Variants in NCAM1 observed in about 807,000 individuals in gnomAD.
The protein encoded by NCAM1 is neural cell adhesion molecule 1.
A neutral mutation model predicts 109.8 loss-of-function variants in NCAM1; 14 were observed. That is an observed-to-expected ratio of 0.13 (90% CI 0.08 to 0.20). The LOEUF (loss-of-function observed/expected upper bound fraction) is 0.20, where lower values mean the gene tolerates loss of function less well. Among genes scored for constraint, NCAM1 ranks in the 10% least tolerant of loss-of-function variants. NCAM1 has a pLI of 1.00. For synonymous variants in NCAM1, 418 were observed against 442.9 expected (o/e 0.94, Z 0.70); for missense variants, 774 against 1,109.9 (o/e 0.70, Z 4.30).
At chr11:112,983,166 C>T (rs564512272) in intron 1 of NCAM1, among the ~76,000 whole-genome samples, 276 of 152,098 alleles carry the variant, frequency 1.8e-3, no homozygotes, top group South Asian at 8.3e-3. Context: ...TTCTTATTCT[C>T]TTTTTAATTC....
chr11:113,012,076 T>G (rs1952080233), intron 1 of NCAM1, among the ~76,000 whole-genome samples: 2 of 151,572 alleles, frequency 1.3e-5, no homozygotes, highest in African/African-American at 4.9e-5. Context: ...TGGAGTGCAG[T>G]GGCGCGATCT....
intron 1 of NCAM1, among the ~76,000 whole-genome samples, chr11:113,047,593 T>C (rs1953315395): frequency 6.6e-6 from 1 of 152,176 alleles, no homozygotes; most frequent in Non-Finnish European, 1.5e-5. Context: ...CTTCTTGATC[T>C]TAATCCTCTG....
chr11:113,182,168 C>A (rs142633047), intron 1 of NCAM1, among the ~76,000 whole-genome samples: 1 of 152,278 alleles, frequency 6.6e-6, no homozygotes, highest in Non-Finnish European at 1.5e-5. Context: ...AAACATCAAG[C>A]TTTTTGACTG....
intron 1 of NCAM1, among the ~76,000 whole-genome samples, chr11:113,185,027 A>G (rs920591708): frequency 7.0e-6 from 1 of 142,906 alleles, no homozygotes; most frequent in African/African-American, 2.8e-5. Context: ...GTGTGTGTGT[A>G]TATATACATT....
At chr11:112,990,779 G>A (rs782804571) in intron 1 of NCAM1, among the ~76,000 whole-genome samples, 7 of 152,180 alleles carry the variant, frequency 4.6e-5, no homozygotes, top group Non-Finnish European at 1.0e-4. Context: ...CCATTTTTGG[G>A]TCTGGAGCTA....
intron 1 of NCAM1, among the ~76,000 whole-genome samples, chr11:112,998,498 GA>G (rs767803908): frequency 8.6e-5 from 13 of 150,678 alleles, no homozygotes; most frequent in Non-Finnish European, 1.3e-4. Flanking sequence ...AGGAAAAAAG[GA>G]AAAAAAAATC....
intron 1 of NCAM1, among the ~76,000 whole-genome samples, chr11:113,145,437 A>G (rs1350644776): frequency 6.6e-6 from 1 of 152,204 alleles, no homozygotes; most frequent in Non-Finnish European, 1.5e-5. Flanking sequence ...AACAATTGCC[A>G]AAAGGAAAAA....
intron 1 of NCAM1, among the ~76,000 whole-genome samples, chr11:113,043,152 G>T (rs138099528): frequency 0.019 from 2,852 of 151,940 alleles, 43 homozygotes; most frequent in Middle Eastern, 0.054. Flanking sequence ...TGGCGAGGGG[G>T]CACTGGGGAC....
rs1480528111 is a variant in NCAM1 at position 113,277,983 on chromosome 11, A to C, written c.*2596A>C. ...AATTTTCTTTTTTAATTTTTGAAGG[A>C]GGGATCAACTCCAGTTTCCAATGTC... On this transcript the variant is annotated 3_prime_UTR_variant, in exon 20 of 20. Coordinates refer to ENST00000316851, the MANE Select transcript of NCAM1 (RefSeq NM_181351.5). The C allele has an allele frequency of 1.3e-5, 2 of 149,872 alleles. No individual in the cohort carries two copies. The highest frequency in any genetic ancestry group is 1.5e-5 in the Non-Finnish European group (1 of 67,550). 9.3% of individuals were successfully genotyped at this position (149,872 alleles called of 1,614,324 possible).
intron 1 of NCAM1, among the ~76,000 whole-genome samples, chr11:113,146,620 C>A (rs1420142759): frequency 6.6e-6 from 1 of 152,166 alleles, no homozygotes; most frequent in African/African-American, 2.4e-5. Context: ...CTTGCAGAGA[C>A]TATCTGTCTA....
intron 1 of NCAM1, among the ~76,000 whole-genome samples, chr11:113,178,137 A>G (rs1943225205): frequency 6.6e-6 from 1 of 152,318 alleles, no homozygotes; most frequent in Non-Finnish European, 1.5e-5. Flanking sequence ...CAAATTTCCT[A>G]CTTTCTTCTT....
At chr11:113,111,442 T>C (rs72995961) in intron 1 of NCAM1, among the ~76,000 whole-genome samples, 12,579 of 152,238 alleles carry the variant, frequency 0.083, 718 homozygotes, top group East Asian at 0.12. Context: ...TGATTCCGTA[T>C]GTATGATGTT....
At chr11:112,981,071 G>A (rs1274469029) in intron 1 of NCAM1, among the ~76,000 whole-genome samples, 1 of 151,808 alleles carries the variant, frequency 6.6e-6, no homozygotes, top group Non-Finnish European at 1.5e-5. Context: ...ATGTAGAGGA[G>A]AATCACCCCT....
chr11:113,122,743 C>T (rs1360003779), intron 1 of NCAM1, among the ~76,000 whole-genome samples: 2 of 152,106 alleles, frequency 1.3e-5, no homozygotes, highest in Admixed American at 6.5e-5. Context: ...GAGATTGCAC[C>T]GTTGCACTCC....
intron 14 of NCAM1, among the ~76,000 whole-genome samples, chr11:113,239,848 G>A (rs1197345389): frequency 6.6e-6 from 1 of 152,212 alleles, no homozygotes; most frequent in African/African-American, 2.4e-5. Context: ...CATGTGGAAG[G>A]TAAAGGAAGA....
At chr11:113,162,235 T>G (rs1477567006) in intron 1 of NCAM1, among the ~76,000 whole-genome samples, 1 of 152,112 alleles carries the variant, frequency 6.6e-6, no homozygotes, top group Non-Finnish European at 1.5e-5. Flanking sequence ...GCTAAAAATA[T>G]CAAAACATGA....
chr11:113,141,661 A>C (rs993045478), intron 1 of NCAM1, among the ~76,000 whole-genome samples: 25 of 152,086 alleles, frequency 1.6e-4, no homozygotes, highest in Non-Finnish European at 3.4e-4. Flanking sequence ...ACAAACAAAC[A>C]AACAAAAGTT....
intron 1 of NCAM1, among the ~76,000 whole-genome samples, chr11:113,195,894 TTTTG>T (rs1343716072): frequency 2.1e-5 from 3 of 140,546 alleles, no homozygotes; most frequent in Non-Finnish European, 4.5e-5. Flanking sequence ...TCATTGGGAA[TTTTG>T]TTTGTTTGCA....
At chr11:113,194,959 C>T (rs901461384) in intron 1 of NCAM1, among the ~76,000 whole-genome samples, 13 of 152,170 alleles carry the variant, frequency 8.5e-5, no homozygotes, top group African/African-American at 1.2e-4. Flanking sequence ...ACCCCAACTA[C>T]GCTGATGGAA....
Sources: gnomAD v4.1 joint callset for allele counts (sites outside exome capture counted in the v4.1 genomes callset) on GRCh38, gnomAD v4.1.1 for gene constraint, MANE v1.5 for transcripts, NCBI Gene and HGNC (gene_info 2026-07-23, HGNC 2026-07-21) for gene names.